The following GALNT17 variants were observed in gnomAD, a reference collection of about 807,000 sequenced individuals.
GALNT17 encodes the protein UDP-GalNAc:polypeptide N-acetylgalactosaminyltransferase-like 3.
In GALNT17, 29 loss-of-function variants were observed where a neutral mutation model predicts 63.7. The ratio of observed to expected loss-of-function variants is 0.46; its 90% CI spans 0.34 to 0.62. The LOEUF is 0.62. Among genes scored for constraint, GALNT17 ranks in the 20% least tolerant of loss-of-function variants. The pLI, the probability that GALNT17 is intolerant of heterozygous loss-of-function variation, is 0.01. For missense variants in GALNT17, 603 were observed against 799.6 expected (o/e 0.75, Z 2.97); for synonymous variants, 305 against 318.3 (o/e 0.96, Z 0.45).
intron 1 of GALNT17, among the ~76,000 whole-genome samples, chr7:71,163,968 C>T (rs1788392171): frequency 6.6e-6 from 1 of 152,064 alleles, no homozygotes; most frequent in African/African-American, 2.4e-5. Context: ...AGACTGTCTG[C>T]CATTTATGGA....
chr7:71,679,597 G>C (rs533754369), intron 9 of GALNT17, among the ~76,000 whole-genome samples: 1 of 152,064 alleles, frequency 6.6e-6, no homozygotes, highest in African/African-American at 2.4e-5. Context: ...CGTAACCCAC[G>C]GTGCTGGGGC....
intron 2 of GALNT17, among the ~76,000 whole-genome samples, chr7:71,345,702 T>C (rs539979569): frequency 1.3e-5 from 2 of 152,178 alleles, no homozygotes; most frequent in Non-Finnish European, 2.9e-5. Flanking sequence ...CCTGGTCTTA[T>C]AATGAATGAG....
intron 2 of GALNT17, among the ~76,000 whole-genome samples, chr7:71,374,917 G>A (rs529969328): frequency 1.4e-5 from 2 of 139,840 alleles, no homozygotes; most frequent in South Asian, 4.7e-4. Context: ...TTGGCTCACC[G>A]CAAACTCCAC....
At chr7:71,693,290 A>G (rs1791486674) in intron 9 of GALNT17, among the ~76,000 whole-genome samples, 1 of 130,282 alleles carries the variant, frequency 7.7e-6, no homozygotes, top group African/African-American at 3.1e-5. Flanking sequence ...ACACACACAC[A>G]CACACACACA....
intron 1 of GALNT17, among the ~76,000 whole-genome samples, chr7:71,205,747 ATAT>A (rs1022531629): frequency 6.6e-6 from 1 of 152,158 alleles, no homozygotes; most frequent in African/African-American, 2.4e-5. Context: ...GAGTTTCAGG[ATAT>A]TATTGCATCA....
At chr7:71,339,462 G>A (rs575546742) in intron 2 of GALNT17, among the ~76,000 whole-genome samples, 7 of 152,266 alleles carry the variant, frequency 4.6e-5, no homozygotes, top group East Asian at 1.9e-4. Flanking sequence ...TAAGGCGGGC[G>A]GATCACCTGA....
intron 5 of GALNT17, among the ~76,000 whole-genome samples, chr7:71,466,662 A>G (rs775665769): frequency 5.9e-5 from 9 of 152,224 alleles, no homozygotes; most frequent in African/African-American, 1.7e-4. Context: ...TGGAGGCTTC[A>G]TCTACATAAC....
chr7:71,684,659 C>T (rs11971639), intron 9 of GALNT17, among the ~76,000 whole-genome samples: 24,707 of 152,066 alleles, frequency 0.16, 3,827 homozygotes, highest in African/African-American at 0.41. Context: ...TCCTCCCATC[C>T]CCCCGACTTT....
chr7:71,615,133 G>A (rs1790182281), intron 6 of GALNT17, among the ~76,000 whole-genome samples: 1 of 152,214 alleles, frequency 6.6e-6, no homozygotes, highest in Non-Finnish European at 1.5e-5. Context: ...TGACTGGGAG[G>A]CTGCTGGGGA....
intron 1 of GALNT17, among the ~76,000 whole-genome samples, chr7:71,275,346 T>G (rs1790664071): frequency 6.6e-6 from 1 of 152,078 alleles, no homozygotes; most frequent in South Asian, 2.1e-4. Flanking sequence ...TGGGAGGATC[T>G]CTGGAGGTCA....
chr7:71,354,210 T>G (rs537974403), intron 2 of GALNT17, among the ~76,000 whole-genome samples: 1 of 152,266 alleles, frequency 6.6e-6, no homozygotes, highest in Non-Finnish European at 1.5e-5. Flanking sequence ...CCGTACTATA[T>G]CAGATGGTGT....
intron 1 of GALNT17, among the ~76,000 whole-genome samples, chr7:71,183,653 T>G (rs1009718397): frequency 6.6e-5 from 10 of 152,110 alleles, no homozygotes; most frequent in Non-Finnish European, 1.2e-4. Context: ...TCCCAGCACT[T>G]TGGTAGGCCA....
At chr7:71,386,080 T>C (rs1792937528) in intron 2 of GALNT17, among the ~76,000 whole-genome samples, 1 of 152,190 alleles carries the variant, frequency 6.6e-6, no homozygotes, top group South Asian at 2.1e-4. Context: ...TCCTGCCAAC[T>C]GCCTGTGAGC....
intron 5 of GALNT17, among the ~76,000 whole-genome samples, chr7:71,429,962 C>G (rs1786829144): frequency 6.6e-6 from 1 of 152,148 alleles, no homozygotes; most frequent in African/African-American, 2.4e-5. Flanking sequence ...CCGCCTCAGC[C>G]TTCCAGAGTG....
intron 6 of GALNT17, among the ~76,000 whole-genome samples, chr7:71,638,066 G>A (rs568316587): frequency 3.9e-5 from 6 of 152,330 alleles, no homozygotes; most frequent in South Asian, 2.1e-4. Flanking sequence ...GCCCAGAACC[G>A]AGGGTTCCTC....
intron 5 of GALNT17, among the ~76,000 whole-genome samples, chr7:71,472,912 C>A (rs1431208022): frequency 6.6e-6 from 1 of 152,072 alleles, no homozygotes; most frequent in Admixed American, 6.6e-5. Flanking sequence ...ATATGAGTGA[C>A]CATAACCTGG....
chr7:71,267,309 G>A (rs1790508122), intron 1 of GALNT17, among the ~76,000 whole-genome samples: 2 of 152,190 alleles, frequency 1.3e-5, no homozygotes, highest in South Asian at 4.1e-4. Flanking sequence ...ACGCCTTCCT[G>A]GAATGAGCCT....
At chr7:71,276,342 C>T in intron 1 of GALNT17, among the ~76,000 whole-genome samples, 1 of 152,160 alleles carries the variant, frequency 6.6e-6, no homozygotes, top group East Asian at 1.9e-4. Context: ...AGAAATCATT[C>T]TATTTAAAAG....
chr7:71,560,446 C>G (rs1789237868), intron 5 of GALNT17, among the ~76,000 whole-genome samples: 2 of 152,124 alleles, frequency 1.3e-5, no homozygotes, highest in Admixed American at 6.5e-5. Flanking sequence ...GAATTGATCA[C>G]TTGTCACAAG....
Sources: gnomAD v4.1 joint callset for allele counts (sites outside exome capture counted in the v4.1 genomes callset) on GRCh38, gnomAD v4.1.1 for gene constraint, MANE v1.5 for transcripts, NCBI Gene and HGNC (gene_info 2026-07-23, HGNC 2026-07-21) for gene names.